Variants in L3MBTL4 observed in about 807,000 individuals in gnomAD.
The protein encoded by L3MBTL4 is L3MBTL histone methyl-lysine binding protein 4, also known as lethal(3)malignant brain tumor-like protein 4.
In L3MBTL4, 70 loss-of-function variants were observed where a neutral mutation model predicts 84.5. That is an observed-to-expected ratio of 0.83 (90% CI 0.68 to 1.01). The LOEUF (loss-of-function observed/expected upper bound fraction) is 1.01. L3MBTL4 is among the 50% of genes least tolerant of loss of function. L3MBTL4 has a pLI of 0.00. For synonymous variants in L3MBTL4, 274 were observed against 259.8 expected, an observed-to-expected ratio of 1.05 and a Z score of -0.52; for missense variants, 715 against 754.8, an observed-to-expected ratio of 0.95 and a Z score of 0.62.
intron 13 of L3MBTL4, among the ~76,000 whole-genome samples, chr18:6,168,498 G>C (rs2145151624): frequency 6.6e-6 from 1 of 152,260 alleles, no homozygotes; most frequent in African/African-American, 2.4e-5. Context: ...CAATGGAACA[G>C]AACAGAGCCC....
chr18:5,960,123 C>T lies in L3MBTL4; in HGVS notation c.1648G>A (p.Glu550Lys). 1 of 1,580,096 alleles carries T rather than the reference C, an allele frequency of 6.3e-7. No homozygotes were observed. The highest frequency in any genetic ancestry group is 8.6e-7 in the Non-Finnish European group (1 of 1,161,990). ...TTCTTAAAGCACTTGGCATGCTCTT[C>T]ACAGCCCAGAAGAGACTGTACAAAC... is the stretch of plus-strand genomic sequence containing the variant. ...AEFVQSLLGC[E>K]EHAKCFKKEQ... The change falls in exon 18 of 19, where the codon GAA becomes AAA. Residue 550 changes from glutamate to lysine, a missense_variant. By Grantham distance (56) the Glu-to-Lys change is moderately conservative. Transcript: ENST00000317931.
chr18:6,210,261 G>A (rs1046211283), intron 12 of L3MBTL4, among the ~76,000 whole-genome samples: 1 of 152,232 alleles, frequency 6.6e-6, no homozygotes, highest in Non-Finnish European at 1.5e-5. Flanking sequence ...AGAACTGCCA[G>A]TACCACACAG....
In L3MBTL4 at chr18:6,249,269, G is replaced by C. The variant is rs76703063; in HGVS notation, c.220-4681C>G. 1.3e-3 allele frequency among the ~76,000 whole-genome samples: 203 copies of C among 152,256 alleles called. 5 individuals are homozygous for C. In the East Asian group the frequency reaches 0.034, roughly 26 times the overall value. ...GGAGAGAATGTTACTAATGCTGAGA[G>C]GAAACTTAAGAAGCCATAGAAACTG... On this transcript the variant is annotated intron_variant, in intron 5 of 18. Transcript: ENST00000317931.
chr18:6,190,133 A>T lies in L3MBTL4; in HGVS notation c.982-18191T>A, dbSNP rs73938794. 8.9e-3 allele frequency among the ~76,000 whole-genome samples: 1,360 copies of T among 152,370 alleles called. 24 individuals are homozygous for T. The highest frequency in any genetic ancestry group is 0.031 in the African/African-American group (1,299 of 41,578). ...AAAGATATAGAGATTGCCAGACTAA[A>T]TAAAAAGCACGAAAAGAAACATGAC... On this transcript the variant is annotated intron_variant, in intron 12 of 18. Coordinates refer to ENST00000317931, the MANE Select transcript of L3MBTL4 (RefSeq NM_001330559.2).
chr18:6,390,959 GAATCC>G (rs1738300995), intron 1 of L3MBTL4, among the ~76,000 whole-genome samples: 1 of 151,984 alleles, frequency 6.6e-6, no homozygotes, highest in Middle Eastern at 3.2e-3. Context: ...GAGAAAAAGG[GAATCC>G]TCCCTAATTC....
intron 1 of L3MBTL4, among the ~76,000 whole-genome samples, chr18:6,367,095 G>A (rs534408687): frequency 3.3e-5 from 5 of 152,222 alleles, no homozygotes; most frequent in Admixed American, 6.5e-5. Context: ...TCCCAAGCCC[G>A]ACAGTCTAAC....
chr18:6,334,231 T>C (rs1332656929), intron 1 of L3MBTL4, among the ~76,000 whole-genome samples: 1 of 152,170 alleles, frequency 6.6e-6, no homozygotes, highest in Non-Finnish European at 1.5e-5. Context: ...GGAGTCCCAG[T>C]TGGTGTCAGG....
At chr18:5,962,335 A>G (rs1427859159) in intron 17 of L3MBTL4, among the ~76,000 whole-genome samples, 7 of 152,118 alleles carry the variant, frequency 4.6e-5, no homozygotes. Flanking sequence ...ACGGGGAAGA[A>G]ATTCTAGGCA....
intron 16 of L3MBTL4, among the ~76,000 whole-genome samples, chr18:5,992,944 G>T (rs1373729836): frequency 6.6e-6 from 1 of 152,182 alleles, no homozygotes; most frequent in East Asian, 1.9e-4. Flanking sequence ...AACACAAGGA[G>T]CTAGGTAGAG....
chr18:6,161,393 T>C (rs2043332652), intron 13 of L3MBTL4, among the ~76,000 whole-genome samples: 1 of 152,248 alleles, frequency 6.6e-6, no homozygotes, highest in African/African-American at 2.4e-5. Flanking sequence ...GGCTTTTCCC[T>C]GTTAACTTTT....
chr18:6,079,159 T>G (rs530605617), intron 16 of L3MBTL4, among the ~76,000 whole-genome samples: 1 of 152,082 alleles, frequency 6.6e-6, no homozygotes, highest in Non-Finnish European at 1.5e-5. Flanking sequence ...AGCCTAGGTG[T>G]TGGGGACTCC....
chr18:6,330,505 C>T (rs1192060941), intron 1 of L3MBTL4, among the ~76,000 whole-genome samples: 2 of 152,240 alleles, frequency 1.3e-5, no homozygotes, highest in East Asian at 1.9e-4. Context: ...GACACAGATT[C>T]TTCTGCTTCC....
intron 1 of L3MBTL4, among the ~76,000 whole-genome samples, chr18:6,341,791 C>T (rs2052619567): frequency 6.6e-6 from 1 of 151,538 alleles, no homozygotes; most frequent in Non-Finnish European, 1.5e-5. Flanking sequence ...TCCAGGAAGT[C>T]CAAAGAACCT....
chr18:6,033,749 T>G (rs1330686840), intron 16 of L3MBTL4, among the ~76,000 whole-genome samples: 1 of 152,236 alleles, frequency 6.6e-6, no homozygotes, highest in Non-Finnish European at 1.5e-5. Flanking sequence ...GCTATAGGAT[T>G]ACTAAAGTTA....
chr18:6,092,417 C>T (rs541094978), intron 15 of L3MBTL4, among the ~76,000 whole-genome samples: 46 of 152,284 alleles, frequency 3.0e-4, no homozygotes, highest in Non-Finnish European at 5.3e-4. Context: ...AAACTCTGCA[C>T]ACACAGAGAG....
chr18:5,979,095 C>T (rs79403706), intron 16 of L3MBTL4, among the ~76,000 whole-genome samples: 4,580 of 152,174 alleles, frequency 0.03, 209 homozygotes, highest in African/African-American at 0.1. Flanking sequence ...TGGGAAGGGG[C>T]AAAAGAGTGG....
At chr18:6,001,453 A>G (rs544868259) in intron 16 of L3MBTL4, among the ~76,000 whole-genome samples, 1 of 152,312 alleles carries the variant, frequency 6.6e-6, no homozygotes, top group East Asian at 1.9e-4. Flanking sequence ...GCTACCATAA[A>G]ACAATTAAAA....
intron 16 of L3MBTL4, among the ~76,000 whole-genome samples, chr18:6,066,161 G>C (rs2057392638): frequency 6.6e-6 from 1 of 152,038 alleles, no homozygotes; most frequent in Non-Finnish European, 1.5e-5. Flanking sequence ...TATTCGTATA[G>C]TTTTGAGAAT....
intron 14 of L3MBTL4, among the ~76,000 whole-genome samples, chr18:6,107,073 TA>T (rs2059033257): frequency 6.6e-6 from 1 of 152,274 alleles, no homozygotes; most frequent in Non-Finnish European, 1.5e-5. Context: ...GCATTTAATA[TA>T]AAACCAGGCA....
Sources: allele counts gnomAD v4.1 joint callset (sites outside exome capture counted in the v4.1 genomes callset), GRCh38; gene constraint gnomAD v4.1.1; transcripts MANE v1.5; gene names NCBI Gene and HGNC (gene_info 2026-07-23, HGNC 2026-07-21).